The following AHCTF1 variants were observed in gnomAD, a reference collection of about 807,000 sequenced individuals.
The protein encoded by AHCTF1 is AT-hook containing transcription factor 1.
Under a neutral mutation model 248.4 loss-of-function variants are expected in AHCTF1, and 24 were observed. That is an observed-to-expected ratio of 0.10 (90% CI 0.07 to 0.14). The LOEUF (loss-of-function observed/expected upper bound fraction) is 0.14, where lower values mean the gene tolerates loss of function less well. AHCTF1 is among the 10% of genes least tolerant of loss of function. The probability of loss-of-function intolerance (pLI) is 1.00; values close to 1 mark genes in which losing one functional copy is unlikely to be tolerated. For missense variants in AHCTF1, 2,206 were observed against 2,636.2 expected (o/e 0.84, Z 3.57); for synonymous variants, 786 against 929.8 (o/e 0.85, Z 2.81).
intron 8 of AHCTF1, 143 bp from the exon 9 acceptor site, chr1:246,900,612 T>G (rs189614656): frequency 7.5e-6 from 7 of 929,182 alleles, no homozygotes; most frequent in Non-Finnish European, 1.1e-5. Context: ...TTTCTATCAT[T>G]TGTATGTAAG....
intron 1 of AHCTF1, among the ~76,000 whole-genome samples, chr1:246,927,674 T>C (rs12065654): frequency 0.027 from 4,057 of 152,302 alleles, 186 homozygotes; most frequent in African/African-American, 0.093. Flanking sequence ...AAAGGCTAGA[T>C]AGGCAGAGCA....
chr1:246,850,428 T>C lies in AHCTF1; in HGVS notation c.5578A>G (p.Lys1860Glu), dbSNP rs1660621823. 1.9e-6 allele frequency: 3 copies of C among 1,596,658 alleles called. No individual in the cohort carries two copies. Among genetic ancestry groups the C allele is most frequent in the Non-Finnish European group, 1.7e-6 (2 of 1,174,996 alleles). ...GTAACAGATGAAACCTTAACTTCTT[T>C]TTTAGTAGTTTCTTCAACTGCTGGT... ...LEPAVEETTK[K>E]EVKVSSVTKR... Residue 1860 changes from lysine to glutamate, a missense_variant, in exon 33 of 36, where the codon AAA (lysine) becomes GAA (glutamate). Around this residue, in one of 6 missense-constraint regions of AHCTF1, gnomAD observed 29 missense variants for 57.1 expected, o/e 0.51. Coordinates refer to ENST00000648844, the MANE Select transcript of AHCTF1 (RefSeq NM_001323342.2).
intron 33 of AHCTF1, 83 bp from the exon 34 acceptor site, chr1:246,844,011 A>C (rs1339241125): frequency 7.8e-6 from 8 of 1,026,520 alleles, no homozygotes; most frequent in Non-Finnish European, 1.0e-5. Context: ...GGAACAAATT[A>C]TGTGTTTTAG....
intron 21 of AHCTF1, among the ~76,000 whole-genome samples, chr1:246,882,877 C>T (rs1414391932): frequency 6.6e-6 from 1 of 152,188 alleles, no homozygotes; most frequent in Non-Finnish European, 1.5e-5. Flanking sequence ...TAGAGAAATG[C>T]AAAGATGCTC....
At chr1:246,912,423 C>T (rs1486825915) in intron 4 of AHCTF1, among the ~76,000 whole-genome samples, 1 of 151,226 alleles carries the variant, frequency 6.6e-6, no homozygotes, top group Non-Finnish European at 1.5e-5. Context: ...GCGGAGGTTG[C>T]AGTGAGCAGG....
chr1:246,889,778 T>TGAAG (rs1664092701), intron 17 of AHCTF1, among the ~76,000 whole-genome samples, 188 bp downstream of exon 17: 1 of 152,206 alleles, frequency 6.6e-6, no homozygotes, highest in Non-Finnish European at 1.5e-5. Flanking sequence ...CTTTACTTCA[T>TGAAG]TTCAAAGGAA....
chr1:246,894,540 T>A, intron 14 of AHCTF1, 119 bp downstream of exon 14: 1 of 835,742 alleles, frequency 1.2e-6, no homozygotes, highest in Non-Finnish European at 1.8e-6. Flanking sequence ...AGACTCAGTC[T>A]CAAAAAAAGA....
chr1:246,849,469 T>C, intron 33 of AHCTF1, 146 bp downstream of exon 33: 2 of 1,012,702 alleles, frequency 2.0e-6, no homozygotes, highest in Non-Finnish European at 2.8e-6. Flanking sequence ...ACATGAAACC[T>C]TTAAACTTTA....
intron 33 of AHCTF1, among the ~76,000 whole-genome samples, chr1:246,847,366 C>T (rs897268316): frequency 6.6e-5 from 10 of 151,722 alleles, no homozygotes; most frequent in African/African-American, 1.5e-4. Context: ...AATATATGCA[C>T]GTACATAAAC....
chr1:246,860,028 G>A (rs536470162), intron 29 of AHCTF1, among the ~76,000 whole-genome samples: 6 of 152,212 alleles, frequency 3.9e-5, no homozygotes, highest in Admixed American at 2.0e-4. Flanking sequence ...CTGGGAGTCC[G>A]AGGCAGGCAG....
At position 246,841,001 on chromosome 1, in the gene AHCTF1, GAAAAAAAA is replaced by G; in HGVS notation, c.6609-11_6609-4del. ...AAGCACTTTCTTTTTCTGTGTTTCT[GAAAAAAAA>G]AGATATGATCAAGTAAGAATAAACA... is the stretch of plus-strand genomic sequence containing the variant. On this transcript the variant is annotated splice_polypyrimidine_tract_variant and splice_region_variant and intron_variant, in intron 35 of 35. Transcript: ENST00000648844. 6.4e-7 allele frequency: 1 copy of G among 1,568,808 alleles called. No individual in the cohort carries two copies. The highest frequency in any genetic ancestry group is 8.6e-7 in the Non-Finnish European group (1 of 1,161,366).
chr1:246,856,064 C>CTTT (rs1661091214), intron 30 of AHCTF1, among the ~76,000 whole-genome samples: 3 of 152,180 alleles, frequency 2.0e-5, no homozygotes, highest in African/African-American at 7.2e-5. Context: ...ATGGCATGGC[C>CTTT]TTAAAGTAGA....
At chr1:246,849,125 T>C (rs1158448401) in intron 33 of AHCTF1, among the ~76,000 whole-genome samples, 7 of 152,180 alleles carry the variant, frequency 4.6e-5, no homozygotes, top group Non-Finnish European at 1.0e-4. Flanking sequence ...CAATGAAGGA[T>C]GGCCTCACTG....
At chr1:246,871,062 A>G (rs1662559998) in intron 24 of AHCTF1, among the ~76,000 whole-genome samples, 1 of 152,178 alleles carries the variant, frequency 6.6e-6, no homozygotes, top group African/African-American at 2.4e-5. Context: ...GTCTCATAAA[A>G]GGCAGGGAAC....
At chr1:246,894,397 C>A (rs891242818) in intron 14 of AHCTF1, among the ~76,000 whole-genome samples, 3 of 152,070 alleles carry the variant, frequency 2.0e-5, no homozygotes, top group Non-Finnish European at 4.4e-5. Flanking sequence ...ACGGTGAAAC[C>A]CCGTCTCTAC....
Position 246,907,589 on chromosome 1 carries a change from G to A in AHCTF1, c.726C>T (p.Gly242=). The A allele has an allele frequency of 6.2e-7, 1 of 1,613,774 alleles. No homozygotes were observed. The highest frequency in any genetic ancestry group is 1.1e-5 in the South Asian group (1 of 91,060). Residue 242 remains glycine, a synonymous_variant, in exon 5 of 36, where the codon GGC becomes GGT. Coordinates refer to ENST00000648844, the MANE Select transcript of AHCTF1 (RefSeq NM_001323342.2). The stretch of plus-strand genomic sequence containing the variant: ...TTTTCATGTTCCAAAGTGCTAGATA[G>A]CCATCAGAAAAACCTACAGCAAGCT... ...TNQLAVGFSD[G]YLALWNMKSM...
intron 2 of AHCTF1, among the ~76,000 whole-genome samples, chr1:246,917,606 T>C (rs998208714): frequency 1.3e-5 from 2 of 152,208 alleles, no homozygotes; most frequent in Non-Finnish European, 2.9e-5. Flanking sequence ...ATATAGAAAG[T>C]ACTGTTGTTC....
chr1:246,905,664 CA>C lies in AHCTF1; in HGVS notation c.765-8del. The C allele has an allele frequency of 6.3e-7, 1 of 1,583,046 alleles. No individual in the cohort carries two copies. On this transcript the variant is annotated splice_polypyrimidine_tract_variant and splice_region_variant and intron_variant, in intron 5 of 35. Transcript: ENST00000648844. ...TTCCAATTGTATGTAATATCTGAAA[CA>C]AATTAGTATATTTCATATTTTTAAG...
chr1:246,857,006 G>C (rs750519336), intron 30 of AHCTF1, among the ~76,000 whole-genome samples: 4 of 152,196 alleles, frequency 2.6e-5, no homozygotes, highest in African/African-American at 4.8e-5. Context: ...CAAAAGTGCG[G>C]ACATGCAATC....
Sources: gnomAD v4.1 joint callset for allele counts (sites outside exome capture counted in the v4.1 genomes callset) on GRCh38, gnomAD v4.1.1 for gene constraint, gnomAD v4.1.1 regional missense constraint, MANE v1.5 for transcripts, NCBI Gene and HGNC (gene_info 2026-07-23, HGNC 2026-07-21) for gene names.